The following HSD17B3 variants were observed in gnomAD, a reference collection of about 807,000 sequenced individuals.
HSD17B3 encodes 17-beta-hydroxysteroid dehydrogenase type 3.
HSD17B3 carries 29 observed loss-of-function variants against 41.1 expected under a neutral mutation model. The observed-to-expected ratio is 0.71, with a 90% confidence interval of 0.53 to 0.96. The LOEUF (loss-of-function observed/expected upper bound fraction) is 0.96, where lower values mean the gene tolerates loss of function less well. HSD17B3 is among the 40% of genes least tolerant of loss of function. HSD17B3 has a pLI of 0.00. For missense variants in HSD17B3, 323 were observed against 374.6 expected, an observed-to-expected ratio of 0.86 and a Z score of 1.14; for synonymous variants, 126 against 145.6, an observed-to-expected ratio of 0.87 and a Z score of 0.97.
intron 1 of HSD17B3, 139 bp from the exon 2 acceptor site, chr9:96,298,601 C>A: frequency 1.3e-6 from 1 of 751,342 alleles, no homozygotes; most frequent in Non-Finnish European, 2.4e-6. Flanking sequence ...CCAGCCCACG[C>A]CCTTGAAGCC....
intron 2 of HSD17B3, among the ~76,000 whole-genome samples, chr9:96,283,186 G>A (rs1826771286): frequency 6.6e-6 from 1 of 151,708 alleles, no homozygotes; most frequent in African/African-American, 2.4e-5. Flanking sequence ...TGTACTTTTA[G>A]TAGAGATGGG....
intron 2 of HSD17B3, among the ~76,000 whole-genome samples, chr9:96,284,215 TAAA>T (rs569621446): frequency 0.4 from 40,027 of 99,308 alleles, 7,463 homozygotes; most frequent in Middle Eastern, 0.53. Flanking sequence ...GACTCCATCT[TAAA>T]AAAAAAAAAA....
At chr9:96,290,548 G>T (rs368390682) in intron 2 of HSD17B3, among the ~76,000 whole-genome samples, 6 of 129,786 alleles carry the variant, frequency 4.6e-5, no homozygotes, top group East Asian at 2.6e-4. Context: ...TTATTAAAAA[G>T]TCTCGCTGGG....
At chr9:96,261,109 C>G (rs922550601) in intron 2 of HSD17B3, among the ~76,000 whole-genome samples, 1 of 152,160 alleles carries the variant, frequency 6.6e-6, no homozygotes, top group African/African-American at 2.4e-5. Context: ...TTACTTCTTA[C>G]TCATTATGCT....
intron 2 of HSD17B3, among the ~76,000 whole-genome samples, chr9:96,286,769 G>C (rs1421725860): frequency 2.0e-5 from 3 of 151,682 alleles, no homozygotes; most frequent in East Asian, 3.9e-4. Flanking sequence ...ACCCCCACCA[G>C]CACCATATCA....
In HSD17B3 at chr9:96,249,551, G is replaced by A. The variant is rs1836809700; in HGVS notation, c.489+200C>T. ...AAGCAGAAATAGAATTCAGATACAA[G>A]GGAGAGTTGAATCCATTACTGTATT... is the stretch of plus-strand genomic sequence containing the variant. On this transcript the variant is annotated intron_variant, in intron 6 of 10. Transcript: ENST00000375263. 3 of 615,798 alleles carry A rather than the reference G, an allele frequency of 4.9e-6. No homozygotes were observed. In the Admixed American group the frequency reaches 7.7e-5, roughly 16 times the overall value. The allele number at this position is 615,798 out of a possible 1,614,324, so 38.1% of individuals were successfully genotyped here.
chr9:96,284,348 GAGTAA>G (rs1298384727), intron 2 of HSD17B3, among the ~76,000 whole-genome samples: 4 of 151,424 alleles, frequency 2.6e-5, no homozygotes, highest in Admixed American at 6.6e-5. Context: ...TTTAACAATT[GAGTAA>G]AGTATACTAC....
intron 2 of HSD17B3, among the ~76,000 whole-genome samples, chr9:96,292,008 T>C (rs999805157): frequency 6.6e-6 from 1 of 151,152 alleles, no homozygotes; most frequent in Non-Finnish European, 1.5e-5. Context: ...ACAAAACAAA[T>C]GGCAAAAATA....
chr9:96,298,518 C>G, intron 1 of HSD17B3, 56 bp from the exon 2 acceptor site: 6 of 1,465,426 alleles, frequency 4.1e-6, no homozygotes, highest in Non-Finnish European at 5.7e-6. Flanking sequence ...ACTTCTCTTT[C>G]TCACTGGCCA....
intron 5 of HSD17B3, chr9:96,251,205 G>T (rs1259698884): frequency 2.0e-5 from 12 of 595,730 alleles, no homozygotes; most frequent in African/African-American, 3.7e-5. Context: ...GAAGGAGGAA[G>T]ATGTCCATAT....
chr9:96,279,344 C>CA (rs1242587643), intron 2 of HSD17B3, among the ~76,000 whole-genome samples: 2 of 152,008 alleles, frequency 1.3e-5, no homozygotes, highest in East Asian at 3.9e-4. Context: ...CAAAACAACT[C>CA]AAAGGGGTGG....
intron 7 of HSD17B3, 42 bp downstream of exon 7, chr9:96,246,513 AG>A: frequency 1.3e-6 from 2 of 1,595,372 alleles, no homozygotes; most frequent in Non-Finnish European, 1.7e-6. Flanking sequence ...CCGCCAGGGC[AG>A]GGAGGCCATG....
intron 2 of HSD17B3, among the ~76,000 whole-genome samples, chr9:96,277,718 T>G (rs1410830705): frequency 2.0e-5 from 3 of 152,154 alleles, no homozygotes; most frequent in Non-Finnish European, 4.4e-5. Flanking sequence ...CCAAAGGAAA[T>G]GAAATCAGTA....
At chr9:96,255,130 G>A (rs8190535) in intron 2 of HSD17B3, among the ~76,000 whole-genome samples, 187 bp from the exon 3 acceptor site, 1 of 152,082 alleles carries the variant, frequency 6.6e-6, no homozygotes, top group Non-Finnish European at 1.5e-5. Context: ...CAATGGGCCA[G>A]GCTAACTAGT....
chr9:96,271,808 AT>A (rs1163525672), intron 2 of HSD17B3, among the ~76,000 whole-genome samples: 1 of 151,934 alleles, frequency 6.6e-6, no homozygotes, highest in Non-Finnish European at 1.5e-5. Flanking sequence ...TAACTGTAGA[AT>A]TTTTTTCTTA....
chr9:96,249,768 T>C lies in HSD17B3; in HGVS notation c.472A>G (p.Ile158Val), dbSNP rs116600719. 1.2e-6 allele frequency: 2 copies of C among 1,614,084 alleles called. No individual in the cohort carries two copies. The highest frequency in any genetic ancestry group is 2.2e-5 in the East Asian group (1 of 44,890). The change falls in exon 6 of 11, where the codon ATC (isoleucine) becomes GTC (valine). Residue 158 changes from isoleucine to valine, a missense_variant. By Grantham distance (29) the Ile-to-Val change is conservative. Coordinates refer to ENST00000375263, the MANE Select transcript of HSD17B3 (RefSeq NM_000197.2). ...DEIQSLIHCN[I>V]TSVVKMTQLI... ...TCACATACCTTGACTACGGAGGTGA[T>C]GTTACAATGGATGAGGCTCTGTAAT...
intron 2 of HSD17B3, among the ~76,000 whole-genome samples, chr9:96,296,662 A>T (rs1827370780): frequency 6.6e-6 from 1 of 152,218 alleles, no homozygotes; most frequent in Non-Finnish European, 1.5e-5. Flanking sequence ...ATGAAGAAAA[A>T]TTCAGAAAAA....
chr9:96,283,280 C>T (rs1587774442), intron 2 of HSD17B3, among the ~76,000 whole-genome samples: 1 of 152,148 alleles, frequency 6.6e-6, no homozygotes, highest in East Asian at 1.9e-4. Context: ...GCTGGGACTA[C>T]AGGCATGAGC....
At chr9:96,261,528 G>A (rs1029483400) in intron 2 of HSD17B3, among the ~76,000 whole-genome samples, 1 of 152,226 alleles carries the variant, frequency 6.6e-6, no homozygotes, top group South Asian at 2.1e-4. Context: ...GAGACCTTGG[G>A]GGAAGCAAAG....
Sources: gnomAD v4.1 joint callset for allele counts (sites outside exome capture counted in the v4.1 genomes callset) on GRCh38, gnomAD v4.1.1 for gene constraint, MANE v1.5 for transcripts, NCBI Gene and HGNC (gene_info 2026-07-23, HGNC 2026-07-21) for gene names.